The following WDFY4 variants were observed in gnomAD, a reference collection of about 807,000 sequenced individuals.
WDFY4 encodes WD repeat- and FYVE domain-containing protein 4.
A neutral mutation model predicts 351.9 loss-of-function variants in WDFY4; 169 were observed. The observed-to-expected ratio is 0.48, with a 90% CI of 0.42 to 0.55. The LOEUF is 0.55. WDFY4 is among the 20% of genes least tolerant of loss of function. WDFY4 has a pLI of 0.00. For missense variants in WDFY4, 3,803 were observed against 3,935.6 expected, an observed-to-expected ratio of 0.97 and a Z score of 0.90; for synonymous variants, 1,622 against 1,574.6, an observed-to-expected ratio of 1.03 and a Z score of -0.71.
intron 19 of WDFY4, among the ~76,000 whole-genome samples, chr10:48,782,741 G>C (rs930891820): frequency 2.6e-5 from 4 of 152,218 alleles, no homozygotes; most frequent in African/African-American, 4.8e-5. Context: ...TCAAAATGCT[G>C]AGCCTTTGTT....
chr10:48,969,194 C>T lies in WDFY4; in HGVS notation c.8715C>T (p.Phe2905=). The change falls in exon 56 of 62, where the codon TTC becomes TTT. Residue 2905 remains phenylalanine (F), a synonymous_variant. Transcript: ENST00000325239. ...TGCCTCCTCTCTGGAACAGGACCTT[C>T]AGCTGGGGCTTTGATGACTTCAGCT... ...VLLPPLWNRT[F]SWGFDDFSCC... is the part of the protein sequence containing the mutation. The T allele has an allele frequency of 6.4e-7, 1 of 1,551,692 alleles. No individual in the cohort carries two copies. Among genetic ancestry groups the T allele is most frequent in the Non-Finnish European group, 8.7e-7 (1 of 1,146,966 alleles).
chr10:48,691,895 C>T (rs540815412), intron 1 of WDFY4, among the ~76,000 whole-genome samples: 73 of 152,256 alleles, frequency 4.8e-4, no homozygotes, highest in Admixed American at 2.0e-3. Flanking sequence ...GAGAGTGGCC[C>T]TGTGTGCAGA....
chr10:48,777,487 T>A lies in WDFY4; in HGVS notation c.3167T>A (p.Ile1056Asn), dbSNP rs1238781852. 4 of 1,551,744 alleles carry A rather than the reference T, an allele frequency of 2.6e-6. No individual in the cohort carries two copies. Among genetic ancestry groups the A allele is most frequent in the Non-Finnish European group, 1.7e-6 (2 of 1,146,994 alleles). Reference sequence around the variant, plus strand: ...ACTGAGTACTCTGTCTCTGGAGGAATTGGGACAGGTAGGTGTTTTTCCCAG... The same window carrying A: ...ACTGAGTACTCTGTCTCTGGAGGAAATGGGACAGGTAGGTGTTTTTCCCAG... ...TSTEYSVSGGIGTGATRPFPP... is the reference protein window; with the variant it reads ...TSTEYSVSGGNGTGATRPFPP... The change falls in exon 17 of 62, where the codon ATT (isoleucine) becomes AAT (asparagine). Residue 1056 changes from isoleucine (I) to asparagine (N), a missense_variant. Physicochemically the swap from Ile to Asn is moderately radical, Grantham distance 149. Around this residue, in one of 3 missense-constraint regions of WDFY4, gnomAD observed 3,054 missense variants for 3,148.6 expected, o/e 0.97. Transcript: ENST00000325239.
chr10:48,861,590 G>C (rs2069346281), intron 39 of WDFY4, among the ~76,000 whole-genome samples: 1 of 152,074 alleles, frequency 6.6e-6, no homozygotes, highest in South Asian at 2.1e-4. Context: ...CTCTAGGTAA[G>C]GTGTTGTTTC....
At position 48,877,082 on chromosome 10, in the gene WDFY4, G is replaced by A. The variant is rs2070047408; in HGVS notation, c.7050G>A (p.Val2350=). The A allele has an allele frequency of 6.5e-7, 1 of 1,539,508 alleles. No homozygotes were observed. Among genetic ancestry groups the A allele is most frequent in the African/African-American group, 1.4e-5 (1 of 72,636 alleles). Residue 2350 remains valine, a synonymous_variant, in exon 43 of 62, where the codon GTG becomes GTA. Coordinates refer to ENST00000325239, the MANE Select transcript of WDFY4 (RefSeq NM_001394531.1). ...EAEGEPDEVG[V]DCTQLTFFPA... The stretch of plus-strand genomic sequence containing the variant: ...AGGGCGAGCCGGACGAGGTGGGGGT[G>A]GACTGCACCCAGCTGACCTTCTTCC...
At chr10:48,809,585 A>G (rs1014099274) in intron 28 of WDFY4, among the ~76,000 whole-genome samples, 13 of 151,906 alleles carry the variant, frequency 8.6e-5, no homozygotes, top group African/African-American at 3.1e-4. Context: ...CATCACCACC[A>G]CCATCAACAT....
At chr10:48,810,927 C>T (rs1267811992) in intron 29 of WDFY4, among the ~76,000 whole-genome samples, 192 bp downstream of exon 29, 2 of 152,186 alleles carry the variant, frequency 1.3e-5, no homozygotes, top group Admixed American at 6.5e-5. Context: ...CCCCCGCAGC[C>T]TCACTGCACA....
rs1564518590 is a variant in WDFY4, at chr10:48,945,088, G to GT, written c.7750-950dup. Among the ~76,000 whole-genome samples, 4 of 152,312 alleles carry GT rather than the reference G, an allele frequency of 2.6e-5. No individual in the cohort carries two copies. The South Asian group carries it at 8.3e-4, about 32-fold the overall frequency. ...GATTCACTGCTAGTGGAAAGAAAGG[G>GT]TTATGAGCCAGGCGCAGTGGCTTAT... is the stretch of plus-strand genomic sequence containing the variant. On this transcript the variant is annotated intron_variant, in intron 49 of 61. Coordinates refer to ENST00000325239, the MANE Select transcript of WDFY4 (RefSeq NM_001394531.1).
At position 48,810,607 on chromosome 10, in the gene WDFY4, C is replaced by G. The variant is rs1434409008; in HGVS notation, c.4916C>G (p.Thr1639Ser). Residue 1639 changes from threonine to serine, a missense_variant, in exon 29 of 62, where the codon ACC (threonine) becomes AGC (serine). By Grantham distance (58) the Thr-to-Ser change is moderately conservative (BLOSUM62 1). Transcript: ENST00000325239. ...CTGCAGGGCCACCTGCATGCCAGCA[C>G]CACTGTGCTGGCATTGAAGCTGCTG... is the stretch of plus-strand genomic sequence containing the variant. ...LLLQGHLHASTTVLALKLLLY... is the reference protein window; with the variant it reads ...LLLQGHLHASSTVLALKLLLY... 6 of 1,551,486 alleles carry G rather than the reference C, an allele frequency of 3.9e-6. No homozygotes were observed. The highest frequency in any genetic ancestry group is 2.0e-5 in the Admixed American group (1 of 50,970).
intron 51 of WDFY4, among the ~76,000 whole-genome samples, chr10:48,949,038 G>A (rs1328790530): frequency 6.6e-6 from 1 of 152,200 alleles, no homozygotes; most frequent in African/African-American, 2.4e-5. Context: ...GTTTGAGATG[G>A]TCTAAACCCA....
rs1304328448 is a variant in WDFY4 at position 48,809,217 on chromosome 10, TCAC to T, written c.4838+1272_4838+1274del. Among the ~76,000 whole-genome samples, 18 of 146,098 alleles carry T rather than the reference TCAC, an allele frequency of 1.2e-4. No homozygotes were observed. In the South Asian group the frequency reaches 2.1e-3, roughly 17 times the overall value. ...ACCATCACCATCACCACCACCATCATCACCACCACCACCACATTAATCACCATC... is the reference window on the plus strand; with the variant it reads ...ACCATCACCATCACCACCACCATCATCACCACCACCACATTAATCACCATC... On this transcript the variant is annotated intron_variant, in intron 28 of 61. Coordinates refer to ENST00000325239, the MANE Select transcript of WDFY4 (RefSeq NM_001394531.1).
At chr10:48,959,587 C>T (rs2133831313) in intron 52 of WDFY4, 135 bp from the exon 53 acceptor site, 2 of 772,102 alleles carry the variant, frequency 2.6e-6, no homozygotes, top group Middle Eastern at 2.3e-4. Context: ...TTGAAAGCAG[C>T]ATGGTCTGCA....
At chr10:48,759,515 C>T (rs2065436962) in intron 12 of WDFY4, among the ~76,000 whole-genome samples, 7 of 152,212 alleles carry the variant, frequency 4.6e-5, no homozygotes. Flanking sequence ...GAAAGTTTCT[C>T]TTCACTGAGA....
At chr10:48,699,469 G>A (rs765012334) in intron 1 of WDFY4, among the ~76,000 whole-genome samples, 6 of 152,190 alleles carry the variant, frequency 3.9e-5, no homozygotes, top group Non-Finnish European at 7.3e-5. Context: ...TGGAGAGTGG[G>A]GAGAGGAGGG....
chr10:48,697,489 G>T (rs553927828), intron 1 of WDFY4, among the ~76,000 whole-genome samples: 7 of 152,212 alleles, frequency 4.6e-5, no homozygotes, highest in African/African-American at 1.7e-4. Flanking sequence ...TCTGGTGAGT[G>T]GCCTGGGTGG....
At chr10:48,748,327 TA>T (rs1293005843) in intron 12 of WDFY4, among the ~76,000 whole-genome samples, 5 of 152,138 alleles carry the variant, frequency 3.3e-5, no homozygotes, top group Non-Finnish European at 7.4e-5. Flanking sequence ...ATTTTATCAA[TA>T]AGGAAACAAA....
intron 44 of WDFY4, among the ~76,000 whole-genome samples, chr10:48,895,954 T>C: frequency 6.6e-6 from 1 of 152,106 alleles, no homozygotes; most frequent in East Asian, 1.9e-4. Flanking sequence ...TTTCAGTGAG[T>C]TCCTTATCAC....
chr10:48,795,838 C>T (rs1466191900), intron 23 of WDFY4, among the ~76,000 whole-genome samples: 1 of 152,070 alleles, frequency 6.6e-6, no homozygotes, highest in Non-Finnish European at 1.5e-5. Context: ...CAAATGTATG[C>T]TGGGACCCAA....
Position 48,810,795 on chromosome 10 carries a change from G to T in WDFY4, c.5044+60G>T, listed in dbSNP as rs556937789. ...CACCTAGTCCTGGGATGTGAATGAG[G>T]ACCAAGCCAGGCCCCTTCTTATTTG... On this transcript the variant is annotated intron_variant, in intron 29 of 61. Coordinates refer to ENST00000325239, the MANE Select transcript of WDFY4 (RefSeq NM_001394531.1). The T allele has an allele frequency of 1.0e-4, 147 of 1,433,506 alleles. No individual in the cohort carries two copies. In the African/African-American group the frequency reaches 2.0e-3, roughly 19 times the overall value. The allele number at this position is 1,433,506 out of a possible 1,614,324, so 88.8% of individuals were successfully genotyped here.
Sources: allele counts gnomAD v4.1 joint callset (sites outside exome capture counted in the v4.1 genomes callset), GRCh38; gene constraint gnomAD v4.1.1; regional missense constraint gnomAD v4.1.1; transcripts MANE v1.5; gene names NCBI Gene and HGNC (gene_info 2026-07-23, HGNC 2026-07-21).